DMD: variants seen among roughly 807,000 people sequenced by gnomAD.
The protein encoded by DMD is mutant dystrophin.
A neutral mutation model predicts 330.1 loss-of-function variants in DMD; 63 were observed. The observed-to-expected ratio is 0.19, with a 90% CI of 0.16 to 0.24. The LOEUF (loss-of-function observed/expected upper bound fraction) is 0.24, where lower values mean the gene tolerates loss of function less well. Ranked by LOEUF, DMD falls within the 10% of genes least tolerant of loss-of-function variation. The pLI is 1.00. For missense variants in DMD, 3,344 were observed against 2,684.1 expected, an observed-to-expected ratio of 1.25 and a Z score of -5.43; for synonymous variants, 1,223 against 959.8, an observed-to-expected ratio of 1.27 and a Z score of -5.07.
intron 67 of DMD, among the ~76,000 whole-genome samples, chrX:31,201,212 CAT>C (rs1447869588): frequency 1.8e-5 from 2 of 109,392 alleles, no homozygotes; most frequent in Non-Finnish European, 3.8e-5. Flanking sequence ...CACACACACA[CAT>C]ACACCAAAAA....
intron 62 of DMD, among the ~76,000 whole-genome samples, chrX:31,287,352 C>A (rs375573125): frequency 8.9e-6 from 1 of 112,182 alleles, no homozygotes; most frequent in Non-Finnish European, 1.9e-5. Flanking sequence ...AACAGAGAAT[C>A]CTTCTACTCC....
chrX:33,317,752 C>T (rs1213212648), intron 1 of DMD, among the ~76,000 whole-genome samples: 1 of 111,161 alleles, frequency 9.0e-6, no homozygotes, highest in Non-Finnish European at 1.9e-5. Flanking sequence ...TTAATAGAGC[C>T]CACTGTCTCA....
chrX:32,732,895 C>G (rs960314151), intron 7 of DMD, among the ~76,000 whole-genome samples: 4 of 110,715 alleles, frequency 3.6e-5, no homozygotes, highest in African/African-American at 1.3e-4. Context: ...ATGACAGGAT[C>G]AAATTCACAC....
chrX:32,611,611 T>A (rs2057178029), intron 12 of DMD, among the ~76,000 whole-genome samples: 1 of 111,960 alleles, frequency 8.9e-6, no homozygotes, highest in Admixed American at 9.5e-5. Flanking sequence ...TTGTCTCACC[T>A]TAATGAAGAG....
chrX:32,892,607 A>G (rs981789454), intron 2 of DMD, among the ~76,000 whole-genome samples: 1 of 111,220 alleles, frequency 9.0e-6, no homozygotes, highest in Non-Finnish European at 1.9e-5. Context: ...CATGTTGGCC[A>G]GGATGGTCTT....
intron 7 of DMD, among the ~76,000 whole-genome samples, chrX:32,721,645 C>A (rs1394005215): frequency 1.8e-5 from 2 of 110,752 alleles, no homozygotes; most frequent in African/African-American, 6.5e-5. Context: ...TACTCATAAT[C>A]TGTAGGCTGT....
intron 1 of DMD, among the ~76,000 whole-genome samples, chrX:33,112,910 G>A (rs370678210): frequency 8.3e-5 from 9 of 108,263 alleles, no homozygotes; most frequent in East Asian, 3.0e-4. Flanking sequence ...CCAAGACTGC[G>A]CCATTGCACT....
intron 1 of DMD, among the ~76,000 whole-genome samples, chrX:33,187,632 T>C (rs2050323206): frequency 9.0e-6 from 1 of 111,468 alleles, no homozygotes; most frequent in Admixed American, 9.5e-5. Flanking sequence ...GGTATATGAG[T>C]GGGGCAAAAA....
chrX:32,474,838 T>C (rs1386299178), intron 21 of DMD, among the ~76,000 whole-genome samples: 1 of 111,860 alleles, frequency 8.9e-6, no homozygotes, highest in Non-Finnish European at 1.9e-5. Flanking sequence ...CCTTTTGCTG[T>C]GCAAAAGCTT....
At chrX:32,660,635 A>G (rs766923560) in intron 9 of DMD, among the ~76,000 whole-genome samples, 1 of 111,296 alleles carries the variant, frequency 9.0e-6, no homozygotes, top group South Asian at 3.7e-4. Context: ...CTTTCTTAAT[A>G]TTGTTAATAC....
chrX:31,179,314 T>A (rs2040903174), intron 69 of DMD, among the ~76,000 whole-genome samples: 2 of 112,535 alleles, frequency 1.8e-5, no homozygotes, highest in Non-Finnish European at 3.8e-5. Flanking sequence ...ACTCTGATGA[T>A]GGAAGAGAGA....
chrX:32,554,200 C>A (rs751304214), intron 16 of DMD, among the ~76,000 whole-genome samples: 4 of 111,532 alleles, frequency 3.6e-5, no homozygotes, highest in Non-Finnish European at 5.7e-5. Flanking sequence ...ATCTTAACAG[C>A]CTAACATCTC....
At chrX:32,253,853 A>G (rs148418337) in intron 43 of DMD, among the ~76,000 whole-genome samples, 3,198 of 109,001 alleles carry the variant, frequency 0.029, 136 homozygotes, top group African/African-American at 0.1. Flanking sequence ...CGAACTCCTG[A>G]CCTCATAATC....
chrX:32,712,377 T>C (rs2065267429), intron 7 of DMD, among the ~76,000 whole-genome samples: 1 of 111,531 alleles, frequency 9.0e-6, no homozygotes, highest in Non-Finnish European at 1.9e-5. Flanking sequence ...TTGTCGTAGA[T>C]ATGTATGAGT....
chrX:32,053,187 G>T (rs1413092907), intron 44 of DMD, among the ~76,000 whole-genome samples: 2 of 111,526 alleles, frequency 1.8e-5, no homozygotes, highest in African/African-American at 6.5e-5. Context: ...GGACATAGTG[G>T]TCAATGAATC....
At chrX:32,807,122 TAAAAAAAAAAAAAAA>T (rs999286386) in intron 7 of DMD, among the ~76,000 whole-genome samples, 1 of 20,744 alleles carries the variant, frequency 4.8e-5, no homozygotes, top group African/African-American at 2.2e-4. Flanking sequence ...CGGAAACATT[TAAAAAAAAAAAAAAA>T]AAAAAAAAAA....
At chrX:32,092,060 C>T (rs983102730) in intron 44 of DMD, among the ~76,000 whole-genome samples, 11 of 111,632 alleles carry the variant, frequency 9.9e-5, no homozygotes, top group African/African-American at 3.3e-4. Context: ...CAGCAGCATC[C>T]CTGACAGACT....
chrX:31,366,481 AAAAAAAAAAAAAAAACAT>A, intron 60 of DMD, among the ~76,000 whole-genome samples: 1 of 100,047 alleles, frequency 1.0e-5, no homozygotes, highest in Admixed American at 1.1e-4. Context: ...AAAAAAAAAA[AAAAAAAAAAAAAAAACAT>A]AAAAAAAAAA....
At chrX:32,803,483 T>TA (rs773247295) in intron 7 of DMD, among the ~76,000 whole-genome samples, 47 of 110,838 alleles carry the variant, frequency 4.2e-4, no homozygotes, top group Non-Finnish European at 7.6e-4. Context: ...TGCTCTTAGT[T>TA]ATTTGTCTTC....
Sources: allele counts gnomAD v4.1 joint callset (sites outside exome capture counted in the v4.1 genomes callset), GRCh38; gene constraint gnomAD v4.1.1; transcripts MANE v1.5; gene names NCBI Gene and HGNC (gene_info 2026-07-23, HGNC 2026-07-21).